FAM171A1: variants seen among roughly 807,000 people sequenced by gnomAD.
The protein encoded by FAM171A1 is family with sequence similarity 171 member A1, also known as protein FAM171A1.
FAM171A1 carries 23 observed loss-of-function variants against 74.9 expected under a neutral mutation model. The ratio of observed to expected loss-of-function variants is 0.31; its 90% confidence interval spans 0.22 to 0.44. The LOEUF (loss-of-function observed/expected upper bound fraction) is 0.44, where lower values mean the gene tolerates loss of function less well. FAM171A1 is among the 20% of genes least tolerant of loss of function. FAM171A1 has a pLI of 1.00. For synonymous variants in FAM171A1, 527 were observed against 505.7 expected (o/e 1.04, Z -0.57); for missense variants, 1,162 against 1,159.2 (o/e 1.00, Z -0.03).
chr10:15,228,019 T>A (rs1187533566), intron 5 of FAM171A1, among the ~76,000 whole-genome samples: 2 of 152,128 alleles, frequency 1.3e-5, no homozygotes, highest in Non-Finnish European at 2.9e-5. Flanking sequence ...AAAAGTGAGT[T>A]CAAAGATTTA....
At chr10:15,259,889 C>T (rs546981932) in intron 3 of FAM171A1, among the ~76,000 whole-genome samples, 1 of 151,988 alleles carries the variant, frequency 6.6e-6, no homozygotes, top group East Asian at 1.9e-4. Context: ...ACAATGATGC[C>T]ATCACAGTTC....
At chr10:15,357,575 A>G (rs1835948320) in intron 1 of FAM171A1, among the ~76,000 whole-genome samples, 1 of 152,222 alleles carries the variant, frequency 6.6e-6, no homozygotes, top group South Asian at 2.1e-4. Context: ...GTTAGCACTT[A>G]ATATTTGTGA....
intron 1 of FAM171A1, among the ~76,000 whole-genome samples, chr10:15,365,652 C>T (rs1184536107): frequency 6.6e-6 from 1 of 151,946 alleles, no homozygotes; most frequent in African/African-American, 2.4e-5. Context: ...CACCTGTAAT[C>T]CCAGCTACTA....
chr10:15,334,941 G>T (rs538288062), intron 1 of FAM171A1, among the ~76,000 whole-genome samples: 1 of 152,120 alleles, frequency 6.6e-6, no homozygotes, highest in East Asian at 1.9e-4. Flanking sequence ...ACAAAATCCC[G>T]ATTCAAGATA....
At chr10:15,257,605 A>G (rs1053405417) in intron 3 of FAM171A1, among the ~76,000 whole-genome samples, 2 of 152,040 alleles carry the variant, frequency 1.3e-5, no homozygotes, top group South Asian at 2.1e-4. Flanking sequence ...GGCTGGGGGT[A>G]TGTAGCAGGC....
At chr10:15,297,247 C>T (rs542231990) in intron 1 of FAM171A1, among the ~76,000 whole-genome samples, 10 of 152,064 alleles carry the variant, frequency 6.6e-5, no homozygotes, top group African/African-American at 2.4e-4. Flanking sequence ...TTAGTAGAGA[C>T]GGGATTTTGC....
Position 15,213,412 on chromosome 10 carries a change from CA to C in FAM171A1, c.2175del (p.Ile725MetfsTer20). The C allele has an allele frequency of 6.2e-7, 1 of 1,614,162 alleles. No individual in the cohort carries two copies. Among genetic ancestry groups the C allele is most frequent in the Non-Finnish European group, 8.5e-7 (1 of 1,180,030 alleles). ...RSNAHVRHSY[I>X]DLQRAGRNGS... ...CCGTTCCTTCCAGCTCTTTGGAGAT[CA>C]ATGTATGAATGTCTAACGTGAGCGT... On this transcript the variant is annotated frameshift_variant, in exon 8 of 8. Transcript: ENST00000378116. LOFTEE classifies it high-confidence loss of function. The surrounding 1 kb of genome is among the most constrained non-coding windows in gnomAD (Gnocchi z 6.8).
At chr10:15,310,461 C>A (rs1835346860) in intron 1 of FAM171A1, among the ~76,000 whole-genome samples, 1 of 152,166 alleles carries the variant, frequency 6.6e-6, no homozygotes, top group African/African-American at 2.4e-5. Flanking sequence ...ATGCAGAGTA[C>A]CGTGACCAAC....
At chr10:15,222,955 G>T (rs1288050495) in intron 5 of FAM171A1, among the ~76,000 whole-genome samples, 1 of 152,256 alleles carries the variant, frequency 6.6e-6, no homozygotes, top group African/African-American at 2.4e-5. Flanking sequence ...GCCCGGTTCT[G>T]GTCCATTTCC....
At chr10:15,225,778 T>A (rs1217440505) in intron 5 of FAM171A1, among the ~76,000 whole-genome samples, 1 of 152,120 alleles carries the variant, frequency 6.6e-6, no homozygotes, top group Non-Finnish European at 1.5e-5. Flanking sequence ...AGGAACCAGG[T>A]TGTTCCTGCT....
chr10:15,254,174 A>G (rs573803084), intron 4 of FAM171A1, among the ~76,000 whole-genome samples: 2,527 of 152,210 alleles, frequency 0.017, 24 homozygotes, highest in South Asian at 0.025. Flanking sequence ...CAGAGGGCGG[A>G]GGCTCCCCAT....
chr10:15,243,587 C>T (rs1834390705), intron 5 of FAM171A1, among the ~76,000 whole-genome samples: 1 of 151,796 alleles, frequency 6.6e-6, no homozygotes, highest in Admixed American at 6.6e-5. Context: ...TATTAGGAGC[C>T]CCAGCCTTAT....
Position 15,248,808 on chromosome 10 carries a change from G to A in FAM171A1, c.585C>T (p.Ser195=). 6.2e-7 allele frequency: 1 copy of A among 1,605,968 alleles called. No individual in the cohort carries two copies. Among genetic ancestry groups the A allele is most frequent in the Non-Finnish European group, 8.5e-7 (1 of 1,176,270 alleles). ...TGACTGGGGTCAGGTCATGCCTGGT[G>A]CTGTTTCCTAGAAGGAAGAGGCATT... ...RGLDGNGTGN[S]TRHDLTPVTA... is the part of the protein sequence containing the mutation. Residue 195 remains serine, a synonymous_variant, in exon 5 of 8, where the codon AGC becomes AGT. Transcript: ENST00000378116.
chr10:15,264,368 A>C (rs376349959), intron 3 of FAM171A1, among the ~76,000 whole-genome samples: 23 of 152,310 alleles, frequency 1.5e-4, no homozygotes, highest in African/African-American at 5.5e-4. Flanking sequence ...CTGGCCGGGC[A>C]TAGTGGCTTG....
intron 5 of FAM171A1, among the ~76,000 whole-genome samples, chr10:15,230,208 A>G (rs187135923): frequency 2.4e-3 from 373 of 152,380 alleles, no homozygotes; most frequent in African/African-American, 8.7e-3. Context: ...CAATTTCTAC[A>G]TTTATGACAC....
chr10:15,315,834 C>T (rs2131842414), intron 1 of FAM171A1, among the ~76,000 whole-genome samples: 1 of 152,206 alleles, frequency 6.6e-6, no homozygotes, highest in South Asian at 2.1e-4. Flanking sequence ...TACCTCTTTC[C>T]CCTTGCCCTC....
intron 5 of FAM171A1, among the ~76,000 whole-genome samples, chr10:15,244,049 T>C (rs1342023553): frequency 1.3e-5 from 2 of 152,168 alleles, no homozygotes; most frequent in Non-Finnish European, 2.9e-5. Context: ...TATCTTAAAT[T>C]GCCTTTTAAA....
chr10:15,274,940 A>T (rs1376929031), intron 3 of FAM171A1, among the ~76,000 whole-genome samples: 1 of 152,222 alleles, frequency 6.6e-6, no homozygotes, highest in Non-Finnish European at 1.5e-5. Context: ...TGATGAGTTC[A>T]TGTCCTTTGT....
chr10:15,342,441 T>G (rs7071987), intron 1 of FAM171A1, among the ~76,000 whole-genome samples: 149,316 of 152,278 alleles, frequency 0.98, 73,272 homozygotes, highest in Middle Eastern at 1. Context: ...GTGGTAGCGC[T>G]CCTGTAGTCT....
Sources: gnomAD v4.1 joint callset for allele counts (sites outside exome capture counted in the v4.1 genomes callset) on GRCh38, gnomAD v4.1.1 for gene constraint, Gnocchi (gnomAD v3.1) non-coding constraint, MANE v1.5 for transcripts, NCBI Gene and HGNC (gene_info 2026-07-23, HGNC 2026-07-21) for gene names.